PALLD: variants seen among roughly 807,000 people sequenced by gnomAD.
PALLD encodes the protein palladin.
A neutral mutation model predicts 123.5 loss-of-function variants in PALLD; 61 were observed. The ratio of observed to expected loss-of-function variants is 0.49; its 90% confidence interval spans 0.40 to 0.61. PALLD has a LOEUF of 0.61. Ranked by LOEUF, PALLD falls within the 20% of genes least tolerant of loss-of-function variation. PALLD has a pLI of 0.00. For missense variants in PALLD, 1,273 were observed against 1,377.0 expected (o/e 0.92, Z 1.20); for synonymous variants, 465 against 496.4 (o/e 0.94, Z 0.84).
intron 2 of PALLD, among the ~76,000 whole-genome samples, chr4:168,549,392 T>C (rs1766498367): frequency 6.6e-6 from 1 of 152,192 alleles, no homozygotes; most frequent in Admixed American, 6.5e-5. Flanking sequence ...TGTATATGTG[T>C]TTGTACAGCC....
At chr4:168,854,179 CATTCA>C (rs1748236150) in intron 10 of PALLD, among the ~76,000 whole-genome samples, 1 of 151,996 alleles carries the variant, frequency 6.6e-6, no homozygotes, top group South Asian at 2.1e-4. Flanking sequence ...TTCATTCATT[CATTCA>C]TTCATTCATG....
chr4:168,674,090 T>C (rs145655202), intron 3 of PALLD, among the ~76,000 whole-genome samples: 3,430 of 152,190 alleles, frequency 0.023, 133 homozygotes, highest in African/African-American at 0.077. Context: ...AATTTTTGTA[T>C]TTTTAGTAAA....
chr4:168,822,980 G>A (rs946238358), intron 10 of PALLD, among the ~76,000 whole-genome samples: 1 of 152,026 alleles, frequency 6.6e-6, no homozygotes, highest in Non-Finnish European at 1.5e-5. Context: ...CAAGGATAGG[G>A]CTGCATTATG....
At chr4:168,840,254 C>G (rs966568946) in intron 10 of PALLD, among the ~76,000 whole-genome samples, 29 of 152,258 alleles carry the variant, frequency 1.9e-4, no homozygotes, top group African/African-American at 6.7e-4. Flanking sequence ...ATAAATCTGT[C>G]CTGGCAAGTG....
At chr4:168,807,182 A>G (rs1461805757) in intron 10 of PALLD, among the ~76,000 whole-genome samples, 2 of 152,098 alleles carry the variant, frequency 1.3e-5, no homozygotes, top group Non-Finnish European at 2.9e-5. Context: ...ACAAATGGGC[A>G]TGGAATTTGC....
At chr4:168,532,826 A>G (rs1764733107) in intron 2 of PALLD, among the ~76,000 whole-genome samples, 1 of 152,188 alleles carries the variant, frequency 6.6e-6, no homozygotes, top group Non-Finnish European at 1.5e-5. Context: ...GAAACCATTG[A>G]AAGAAACATT....
At chr4:168,866,675 GA>G (rs1173041333) in intron 10 of PALLD, among the ~76,000 whole-genome samples, 1 of 152,202 alleles carries the variant, frequency 6.6e-6, no homozygotes, top group Non-Finnish European at 1.5e-5. Context: ...ACTGAAGTAA[GA>G]AATTCTGGAA....
chr4:168,836,437 T>C (rs1165769936), intron 10 of PALLD, among the ~76,000 whole-genome samples: 1 of 152,174 alleles, frequency 6.6e-6, no homozygotes, highest in Admixed American at 6.5e-5. Flanking sequence ...ATTTTTTTCA[T>C]ATAGAAGTGT....
chr4:168,633,847 A>G (rs995047378), intron 2 of PALLD, among the ~76,000 whole-genome samples: 1 of 152,216 alleles, frequency 6.6e-6, no homozygotes, highest in Non-Finnish European at 1.5e-5. Context: ...TACTTTGCCA[A>G]TGCATATTGA....
chr4:168,614,779 T>C (rs1381635022), intron 2 of PALLD, among the ~76,000 whole-genome samples: 1 of 152,174 alleles, frequency 6.6e-6, no homozygotes, highest in Non-Finnish European at 1.5e-5. Context: ...AAATCAATCC[T>C]AATAACAAAG....
chr4:168,668,441 C>A, intron 3 of PALLD, 73 bp downstream of exon 3: 2 of 1,244,488 alleles, frequency 1.6e-6, no homozygotes, highest in Non-Finnish European at 2.2e-6. Context: ...CTTGGGCATG[C>A]AAATGTGCCT....
chr4:168,771,102 C>T (rs1734375365), intron 10 of PALLD, among the ~76,000 whole-genome samples: 1 of 151,038 alleles, frequency 6.6e-6, no homozygotes, highest in South Asian at 2.1e-4. Context: ...GTTTCTGAAA[C>T]CCATAATGCA....
intron 2 of PALLD, among the ~76,000 whole-genome samples, chr4:168,615,388 T>C (rs1176739925): frequency 1.3e-5 from 2 of 152,200 alleles, no homozygotes; most frequent in African/African-American, 2.4e-5. Flanking sequence ...ACACATACTT[T>C]GGTAATCATG....
At chr4:168,789,041 A>T (rs776480216) in intron 10 of PALLD, among the ~76,000 whole-genome samples, 8 of 152,176 alleles carry the variant, frequency 5.3e-5, no homozygotes, top group Non-Finnish European at 1.0e-4. Flanking sequence ...TAATTGTATG[A>T]TCTATGTGTA....
chr4:168,639,273 A>G (rs1186126773), intron 2 of PALLD, among the ~76,000 whole-genome samples: 1 of 152,214 alleles, frequency 6.6e-6, no homozygotes, highest in Non-Finnish European at 1.5e-5. Context: ...GGCCCAGACA[A>G]GTTAATTTAC....
chr4:168,772,326 C>G (rs1734567839), intron 10 of PALLD, among the ~76,000 whole-genome samples: 1 of 152,176 alleles, frequency 6.6e-6, no homozygotes, highest in Non-Finnish European at 1.5e-5. Flanking sequence ...TGTTCTTTCA[C>G]CCTTTCAATG....
At chr4:168,705,090 G>C (rs17054495) in intron 8 of PALLD, among the ~76,000 whole-genome samples, 26,812 of 146,654 alleles carry the variant, frequency 0.18, 3,000 homozygotes, top group East Asian at 0.33. Context: ...TTGCTTGCAG[G>C]TGACTTAACT....
chr4:168,502,183 T>A (rs977919900), intron 1 of PALLD, among the ~76,000 whole-genome samples: 1 of 152,212 alleles, frequency 6.6e-6, no homozygotes, highest in Non-Finnish European at 1.5e-5. Flanking sequence ...AATAAATTTT[T>A]TTTTTAGCTA....
intron 2 of PALLD, among the ~76,000 whole-genome samples, chr4:168,566,141 A>G (rs1768353249): frequency 1.3e-5 from 2 of 152,140 alleles, no homozygotes; most frequent in South Asian, 4.1e-4. Flanking sequence ...ATTCTTCAGG[A>G]GTGCTAAGGT....
Sources: allele counts gnomAD v4.1 joint callset (sites outside exome capture counted in the v4.1 genomes callset), GRCh38; gene constraint gnomAD v4.1.1; transcripts MANE v1.5; gene names NCBI Gene and HGNC (gene_info 2026-07-23, HGNC 2026-07-21).